The following KNDC1 variants were observed in gnomAD, a reference collection of about 807,000 sequenced individuals.
KNDC1 encodes kinase non-catalytic C-lobe domain containing 1.
A neutral mutation model predicts 172.8 loss-of-function variants in KNDC1; 106 were observed. The observed-to-expected ratio is 0.61, with a 90% confidence interval of 0.52 to 0.72. The LOEUF (loss-of-function observed/expected upper bound fraction) is 0.72. Ranked by LOEUF, KNDC1 falls within the 30% of genes least tolerant of loss-of-function variation. The pLI is 0.00. For synonymous variants in KNDC1, 1,083 were observed against 1,062.2 expected (o/e 1.02, Z -0.38); for missense variants, 2,325 against 2,394.5 (o/e 0.97, Z 0.61).
rs765584515 is a variant in KNDC1 at position 133,198,487 on chromosome 10, C to A, written c.2057C>A (p.Ala686Glu). The A allele has an allele frequency of 6.2e-6, 10 of 1,604,730 alleles. No individual in the cohort carries two copies. Among genetic ancestry groups the A allele is most frequent in the East Asian group, 2.2e-5 (1 of 44,552 alleles). ...AAGCCCATTGTCCTCGCGCAGAACGCAAGTGTGGCCAGGTGAGCATCGTCC... is the reference window on the plus strand; with the variant it reads ...AAGCCCATTGTCCTCGCGCAGAACGAAAGTGTGGCCAGGTGAGCATCGTCC... ...HFKPIVLAQNASVARDQPALA... is the reference protein window; with the variant it reads ...HFKPIVLAQNESVARDQPALA... Residue 686 changes from alanine (A) to glutamate (E), a missense_variant, in exon 13 of 30, where the codon GCA becomes GAA. Coordinates refer to ENST00000304613, the MANE Select transcript of KNDC1 (RefSeq NM_152643.8).
rs1490297182 is a variant in KNDC1, at chr10:133,168,244, C to T, written c.302-10C>T. 3.1e-6 allele frequency: 5 copies of T among 1,613,624 alleles called. No individual in the cohort carries two copies. Among genetic ancestry groups the T allele is most frequent in the Admixed American group, 3.3e-5 (2 of 60,010 alleles). On this transcript the variant is annotated splice_polypyrimidine_tract_variant and intron_variant, in intron 2 of 29. Coordinates refer to ENST00000304613, the MANE Select transcript of KNDC1 (RefSeq NM_152643.8). ...AGAAGCCTTCTCTCCTTCTCTCTCTCCTCCCCAAGACGACCCTGAGGGTGC... is the reference window on the plus strand; with the variant it reads ...AGAAGCCTTCTCTCCTTCTCTCTCTTCTCCCCAAGACGACCCTGAGGGTGC...
intron 3 of KNDC1, chr10:133,178,955 T>A (rs1853636782): frequency 6.6e-6 from 1 of 152,224 alleles, no homozygotes; most frequent in African/African-American, 2.4e-5. Flanking sequence ...CAGCAGACAG[T>A]CCCTGTGGAC....
At chr10:133,166,675 T>A (rs1853167498) in intron 1 of KNDC1, among the ~76,000 whole-genome samples, 1 of 151,998 alleles carries the variant, frequency 6.6e-6, no homozygotes, top group Non-Finnish European at 1.5e-5. Context: ...CCATGTGGGA[T>A]GCATGTATGG....
At chr10:133,185,493 A>T (rs113878456) in intron 5 of KNDC1, among the ~76,000 whole-genome samples, 1,083 of 64,772 alleles carry the variant, frequency 0.017, 195 homozygotes, top group Middle Eastern at 0.036. Flanking sequence ...AGTGTGGAGT[A>T]GGCAGTGTGT....
Position 133,224,753 on chromosome 10 carries a change from A to C in KNDC1, c.5113A>C (p.Arg1705=). 1 of 1,614,080 alleles carries C rather than the reference A, an allele frequency of 6.2e-7. No homozygotes were observed. Among genetic ancestry groups the C allele is most frequent in the Non-Finnish European group, 8.5e-7 (1 of 1,180,018 alleles). The change falls in exon 30 of 30, where the codon AGG becomes CGG. Residue 1705 remains arginine, a synonymous_variant. Coordinates refer to ENST00000304613, the MANE Select transcript of KNDC1 (RefSeq NM_152643.8). The surrounding 1 kb of genome is among the most constrained non-coding windows in gnomAD (Gnocchi z 5.4). The part of the protein sequence containing the change: ...DPKLQSYLKQ[R]IARFSGADIS... The stretch of plus-strand genomic sequence containing the variant: ...CAAGCTCCAGTCGTACCTCAAGCAG[A>C]GGATTGCCCGCTTCAGCGGTGCCGA...
chr10:133,190,155 A>G (rs986001496), intron 9 of KNDC1, among the ~76,000 whole-genome samples: 2 of 152,230 alleles, frequency 1.3e-5, no homozygotes, highest in African/African-American at 2.4e-5. Flanking sequence ...AATAAATTAC[A>G]TTCAAAATCA....
intron 10 of KNDC1, among the ~76,000 whole-genome samples, chr10:133,196,622 C>T (rs775409190): frequency 6.6e-6 from 1 of 152,188 alleles, no homozygotes; most frequent in Non-Finnish European, 1.5e-5. Flanking sequence ...CACGGCTGGG[C>T]GTCTGCCAAG....
intron 26 of KNDC1, among the ~76,000 whole-genome samples, chr10:133,214,331 A>G (rs1482288379): frequency 6.6e-6 from 1 of 152,166 alleles, no homozygotes; most frequent in East Asian, 1.9e-4. Context: ...CCGCCCTCCC[A>G]GCTCTCCCCC....
intron 28 of KNDC1, among the ~76,000 whole-genome samples, chr10:133,219,407 C>T (rs1202473477): frequency 6.6e-6 from 1 of 152,314 alleles, no homozygotes; most frequent in East Asian, 1.9e-4. Context: ...TCCTCCAGGA[C>T]GGCAGGGGTG....
rs1254770160 is a variant in KNDC1 at position 133,167,365 on chromosome 10, G to A, written c.103-16G>A. The stretch of plus-strand genomic sequence containing the variant: ...GGGGGTCCTGCCGGGCTCACGGCCA[G>A]GGCCGGTCTTGGCAGGAGAACGTGT... On this transcript the variant is annotated splice_polypyrimidine_tract_variant and intron_variant, in intron 1 of 29. Transcript: ENST00000304613. The A allele has an allele frequency of 6.4e-7, 1 of 1,557,516 alleles. No individual in the cohort carries two copies. Among genetic ancestry groups the A allele is most frequent in the Admixed American group, 1.9e-5 (1 of 52,572 alleles).
In KNDC1 at chr10:133,209,552, C is replaced by T. The variant is rs141506482; in HGVS notation, c.3795-1059C>T. 0.01 allele frequency among the ~76,000 whole-genome samples: 1,559 copies of T among 150,300 alleles called. 17 individuals carry two copies. The highest frequency in any genetic ancestry group is 0.028 in the Middle Eastern group (8 of 290). On this transcript the variant is annotated intron_variant, in intron 20 of 29. Transcript: ENST00000304613. This position sits in a 1 kb window ranked among gnomAD's most constrained non-coding sequence, Gnocchi z 4.9. The stretch of plus-strand genomic sequence containing the variant: ...GTGTGTGGTGTGCGCGTCTGGTTGT[C>T]GAGTTCTGTGTGGCTTTGTCCACGT...
At chr10:133,198,541 C>A (rs373555040) in intron 13 of KNDC1, 37 bp from the exon 14 acceptor site, 6 of 1,578,854 alleles carry the variant, frequency 3.8e-6, no homozygotes, top group South Asian at 2.3e-5. Context: ...GGGTCCCGGG[C>A]GCAGGCAGCC....
rs376829471 is a variant in KNDC1, at chr10:133,186,692, G to C, written c.1326+18G>C. 2.6e-5 allele frequency: 41 copies of C among 1,547,672 alleles called. No homozygotes were observed. Among genetic ancestry groups the C allele is most frequent in the Non-Finnish European group, 3.4e-5 (39 of 1,154,890 alleles). On this transcript the variant is annotated intron_variant, in intron 6 of 29. Transcript: ENST00000304613. ...CGGAGCAGGTGGGTGCCTGGGTCTT[G>C]TGTGTGGGTGGAGGGGTCGGCGGTC... is the stretch of plus-strand genomic sequence containing the variant.
In KNDC1 at chr10:133,186,017, C is replaced by A; in HGVS notation, c.669C>A (p.Asn223Lys). 6.3e-7 allele frequency: 1 copy of A among 1,578,670 alleles called. No homozygotes were observed. ...GGCGGGAGAGACCTGCCCCAGGAAA[C>A]GCTGGGCCCAGGAGGCCGCCCGGGG... ...SSWRERPAPG[N>K]AGPRRPPGDP... The change falls in exon 6 of 30, where the codon AAC (asparagine) becomes AAA (lysine). Residue 223 changes from asparagine to lysine, a missense_variant. Coordinates refer to ENST00000304613, the MANE Select transcript of KNDC1 (RefSeq NM_152643.8).
chr10:133,195,370 C>T (rs1459445929), intron 9 of KNDC1, among the ~76,000 whole-genome samples: 1 of 152,190 alleles, frequency 6.6e-6, no homozygotes, highest in Non-Finnish European at 1.5e-5. Flanking sequence ...CTGCTGCCTT[C>T]GTGAGGAGAG....
At chr10:133,219,855 G>A (rs1035643285) in intron 28 of KNDC1, 100 bp from the exon 29 acceptor site, 3 of 1,213,474 alleles carry the variant, frequency 2.5e-6, no homozygotes, top group Non-Finnish European at 3.4e-6. Flanking sequence ...GGAGAACGCA[G>A]GACCCGCTGG....
chr10:133,205,862 C>T (rs2136010868), intron 17 of KNDC1, among the ~76,000 whole-genome samples: 1 of 151,758 alleles, frequency 6.6e-6, no homozygotes, highest in Non-Finnish European at 1.5e-5. Flanking sequence ...ACAGCAAGAC[C>T]TCATCTCAAA....
intron 3 of KNDC1, among the ~76,000 whole-genome samples, chr10:133,175,595 A>ATGGG: frequency 7.1e-6 from 1 of 141,326 alleles, no homozygotes; most frequent in Non-Finnish European, 1.5e-5. Flanking sequence ...AGATGGATGG[A>ATGGG]TGGATGGATG....
At chr10:133,221,487 A>G (rs558321508) in intron 29 of KNDC1, among the ~76,000 whole-genome samples, 1 of 151,380 alleles carries the variant, frequency 6.6e-6, no homozygotes, top group Non-Finnish European at 1.5e-5. Flanking sequence ...GCTCGGCCTC[A>G]CTCTCTCCCT....
Sources: gnomAD v4.1 joint callset for allele counts (sites outside exome capture counted in the v4.1 genomes callset) on GRCh38, gnomAD v4.1.1 for gene constraint, Gnocchi (gnomAD v3.1) non-coding constraint, MANE v1.5 for transcripts, NCBI Gene and HGNC (gene_info 2026-07-23, HGNC 2026-07-21) for gene names.